Variants in NCKAP5 observed in about 807,000 individuals in gnomAD.
NCKAP5 encodes the protein nck-associated protein 5.
Under a neutral mutation model 167.0 loss-of-function variants are expected in NCKAP5, and 92 were observed. That is an observed-to-expected ratio of 0.55 (90% CI 0.47 to 0.66). NCKAP5 has a LOEUF of 0.66. Ranked by LOEUF, NCKAP5 falls within the 30% of genes least tolerant of loss-of-function variation. The pLI is 0.00. For synonymous variants in NCKAP5, 891 were observed against 877.4 expected (o/e 1.02, Z -0.27); for missense variants, 2,378 against 2,315.0 (o/e 1.03, Z -0.56).
chr2:133,614,906 C>T, the NCKAP5 span, among the ~76,000 whole-genome samples: 4 of 152,270 alleles, frequency 2.6e-5, no homozygotes, highest in South Asian at 2.1e-4. Context: ...AGAGAAAGGT[C>T]GGGCTACCCT....
chr2:132,846,095 A>C (rs1175799024), intron 11 of NCKAP5, among the ~76,000 whole-genome samples: 3 of 152,180 alleles, frequency 2.0e-5, no homozygotes, highest in Non-Finnish European at 4.4e-5. Flanking sequence ...ATATATAAGA[A>C]ATATATCGGC....
chr2:133,048,227 A>G (rs2149477200), intron 6 of NCKAP5, among the ~76,000 whole-genome samples: 1 of 152,270 alleles, frequency 6.6e-6, no homozygotes, highest in East Asian at 1.9e-4. Context: ...GGCACATAAA[A>G]TTCACTACTT....
intron 5 of NCKAP5, among the ~76,000 whole-genome samples, chr2:133,172,144 C>T (rs183020000): frequency 1.7e-3 from 253 of 152,254 alleles, no homozygotes; most frequent in African/African-American, 5.1e-3. Context: ...TGTAGATAAC[C>T]TTACAAATGG....
intron 8 of NCKAP5, among the ~76,000 whole-genome samples, chr2:132,909,614 C>T (rs1185760086): frequency 6.6e-6 from 1 of 152,156 alleles, no homozygotes; most frequent in African/African-American, 2.4e-5. Flanking sequence ...ATGACTCATC[C>T]AGAGGAGCTA....
intron 7 of NCKAP5, among the ~76,000 whole-genome samples, chr2:132,977,289 C>A (rs1004763093): frequency 2.0e-5 from 3 of 152,156 alleles, no homozygotes; most frequent in African/African-American, 7.2e-5. Context: ...TAAGTACTTT[C>A]AACAGAAAAC....
At chr2:133,658,648 G>C in the NCKAP5 span, among the ~76,000 whole-genome samples, 29 of 152,240 alleles carry the variant, frequency 1.9e-4, no homozygotes, top group African/African-American at 6.5e-4. Flanking sequence ...AAGGCTCAGG[G>C]ACAGTCAGGC....
At chr2:133,307,571 C>T (rs1342827576) in intron 3 of NCKAP5, among the ~76,000 whole-genome samples, 1 of 152,154 alleles carries the variant, frequency 6.6e-6, no homozygotes, top group African/African-American at 2.4e-5. Context: ...AACCACATAG[C>T]TCCATAGCTT....
At chr2:132,862,134 C>G (rs936178697) in intron 10 of NCKAP5, among the ~76,000 whole-genome samples, 1 of 152,348 alleles carries the variant, frequency 6.6e-6, no homozygotes, top group East Asian at 1.9e-4. Flanking sequence ...AGCCACAGTT[C>G]TGATGCCTAG....
chr2:133,428,725 T>C (rs767032515), intron 3 of NCKAP5, among the ~76,000 whole-genome samples: 1 of 151,770 alleles, frequency 6.6e-6, no homozygotes, highest in Non-Finnish European at 1.5e-5. Context: ...GGTAGAAAAA[T>C]GGGCAAAGAA....
intron 6 of NCKAP5, among the ~76,000 whole-genome samples, chr2:133,084,205 C>A (rs1461401801): frequency 6.6e-6 from 1 of 152,092 alleles, no homozygotes; most frequent in African/African-American, 2.4e-5. Context: ...GCCAGGGAAC[C>A]ATGCACATGC....
At chr2:133,068,710 G>T (rs2080283402) in intron 6 of NCKAP5, among the ~76,000 whole-genome samples, 1 of 152,156 alleles carries the variant, frequency 6.6e-6, no homozygotes, top group Admixed American at 6.5e-5. Flanking sequence ...AGAAACAGTG[G>T]CCACACTGAA....
At chr2:133,071,377 G>A (rs940400837) in intron 6 of NCKAP5, among the ~76,000 whole-genome samples, 33 of 151,968 alleles carry the variant, frequency 2.2e-4, no homozygotes, top group Admixed American at 2.0e-3. Context: ...CCCGGGAGGC[G>A]GAGCTTGCAG....
intron 8 of NCKAP5, among the ~76,000 whole-genome samples, chr2:132,910,829 GA>G (rs1359984740): frequency 1.3e-5 from 2 of 152,158 alleles, no homozygotes; most frequent in Non-Finnish European, 2.9e-5. Flanking sequence ...TTGGAAATGA[GA>G]CTGTACCAAA....
At chr2:132,746,261 T>C (rs1416327701) in intron 16 of NCKAP5, among the ~76,000 whole-genome samples, 1 of 152,118 alleles carries the variant, frequency 6.6e-6, no homozygotes, top group Non-Finnish European at 1.5e-5. Context: ...ACATATATTT[T>C]CAATTGATTT....
chr2:132,929,796 G>A lies in NCKAP5; in HGVS notation c.579+33924C>T, dbSNP rs1696220193. On this transcript the variant is annotated intron_variant, in intron 8 of 19. Coordinates refer to ENST00000409261, the MANE Select transcript of NCKAP5 (RefSeq NM_207363.3). Reference sequence around the variant, plus strand: ...TGCCCCATGTCCTTTTCCTATTATTGGTCACTATGCTGACTTTGTGACATG... The same window carrying A: ...TGCCCCATGTCCTTTTCCTATTATTAGTCACTATGCTGACTTTGTGACATG... 3 of 151,880 alleles carry A rather than the reference G, an allele frequency of 2.0e-5. No homozygotes were observed. In the South Asian group the frequency reaches 6.2e-4, roughly 32 times the overall value. The allele number at this position is 151,880 out of a possible 1,614,324, so 9.4% of individuals were successfully genotyped here. A position where few individuals can be genotyped will look rare whatever the true frequency, so the allele number is the denominator to read the frequency against.
chr2:133,139,115 C>T (rs570283816), intron 5 of NCKAP5, among the ~76,000 whole-genome samples: 5 of 152,150 alleles, frequency 3.3e-5, no homozygotes, highest in Non-Finnish European at 1.5e-5. Flanking sequence ...TCACATACCC[C>T]GAGGGCCTGT....
In NCKAP5 at chr2:133,279,113, ACT is replaced by A. The variant is rs984013310; in HGVS notation, c.143+23922_143+23923del. On this transcript the variant is annotated intron_variant, in intron 4 of 19. Coordinates refer to ENST00000409261, the MANE Select transcript of NCKAP5 (RefSeq NM_207363.3). ...GGAGGAAAATTTGACAATAAGCAAA[ACT>A]CTATTTTCATTTACCATTTGAGTAC... Among the ~76,000 whole-genome samples the A allele has an allele frequency of 1.2e-3, 189 of 152,168 alleles. 1 individual carries two copies. The highest frequency in any genetic ancestry group is 2.2e-4 in the Non-Finnish European group (15 of 67,988).
chr2:133,405,848 A>G (rs534483684), intron 3 of NCKAP5, among the ~76,000 whole-genome samples: 1 of 152,338 alleles, frequency 6.6e-6, no homozygotes, highest in African/African-American at 2.4e-5. Flanking sequence ...AATCCCCAGC[A>G]TCTATGACAG....
rs543144452 is a variant in NCKAP5, at chr2:132,716,430, C to T, written c.5713+9197G>A. On this transcript the variant is annotated intron_variant, in intron 19 of 19. Coordinates refer to ENST00000409261, the MANE Select transcript of NCKAP5 (RefSeq NM_207363.3). ...TTGCCTAGTTTTCTTTCAGCCCTGG[C>T]GGCCAAAGCCTGCTAATTTGCACAG... Among the ~76,000 whole-genome samples the T allele has an allele frequency of 7.8e-4, 119 of 152,298 alleles. 1 individual carries two copies. The South Asian group carries it at 8.7e-3, about 11-fold the overall frequency.
Sources: allele counts gnomAD v4.1 joint callset (sites outside exome capture counted in the v4.1 genomes callset), GRCh38; gene constraint gnomAD v4.1.1; transcripts MANE v1.5; gene names NCBI Gene and HGNC (gene_info 2026-07-23, HGNC 2026-07-21).